Variants in ARHGAP24 observed in about 807,000 individuals in gnomAD.
The protein encoded by ARHGAP24 is Rho GTPase activating protein 24, also known as rho GTPase-activating protein 24.
In ARHGAP24, 50 loss-of-function variants were observed where a neutral mutation model predicts 76.4. The observed-to-expected ratio is 0.65, with a 90% CI of 0.52 to 0.83. The LOEUF (loss-of-function observed/expected upper bound fraction) is 0.83, where lower values mean the gene tolerates loss of function less well. Ranked by LOEUF, ARHGAP24 falls within the 40% of genes least tolerant of loss-of-function variation. ARHGAP24 has a pLI of 0.00. For synonymous variants in ARHGAP24, 345 were observed against 323.3 expected, an observed-to-expected ratio of 1.07 and a Z score of -0.72; for missense variants, 930 against 914.2, an observed-to-expected ratio of 1.02 and a Z score of -0.22.
intron 2 of ARHGAP24, among the ~76,000 whole-genome samples, chr4:85,717,517 A>G (rs1417896355): frequency 1.3e-5 from 2 of 152,108 alleles, no homozygotes; most frequent in South Asian, 2.1e-4. Flanking sequence ...AATTTCTACA[A>G]CACATTCTCA....
chr4:85,821,272 T>G (rs963435774), intron 3 of ARHGAP24, among the ~76,000 whole-genome samples: 2 of 152,198 alleles, frequency 1.3e-5, no homozygotes, highest in African/African-American at 4.8e-5. Context: ...TCATAGTAAA[T>G]TCCTAAATTT....
chr4:85,937,340 G>T (rs368838253), intron 4 of ARHGAP24, among the ~76,000 whole-genome samples: 8 of 152,246 alleles, frequency 5.3e-5, no homozygotes, highest in African/African-American at 1.9e-4. Flanking sequence ...AAAAGACACA[G>T]AACAGGTTTT....
intron 3 of ARHGAP24, among the ~76,000 whole-genome samples, chr4:85,878,504 C>T (rs2148765739): frequency 6.6e-6 from 1 of 151,938 alleles, no homozygotes; most frequent in African/African-American, 2.4e-5. Flanking sequence ...CGTTAAGACC[C>T]CTGTTGATAA....
At chr4:85,655,812 GAGAGAA>G (rs568741133) in intron 2 of ARHGAP24, among the ~76,000 whole-genome samples, 811 of 65,468 alleles carry the variant, frequency 0.012, 31 homozygotes, top group East Asian at 0.075. Context: ...GAGAGAGAGA[GAGAGAA>G]AGAGAGAGAG....
chr4:85,626,223 C>A (rs1220397735), intron 2 of ARHGAP24, among the ~76,000 whole-genome samples: 1 of 152,008 alleles, frequency 6.6e-6, no homozygotes, highest in Admixed American at 6.6e-5. Context: ...TTTTCCTTTC[C>A]ATGTTTAGTG....
intron 3 of ARHGAP24, among the ~76,000 whole-genome samples, chr4:85,822,338 T>C (rs1242303030): frequency 2.0e-5 from 3 of 152,112 alleles, no homozygotes; most frequent in Non-Finnish European, 4.4e-5. Context: ...TGACTTGGCT[T>C]AAGACTTTTG....
intron 2 of ARHGAP24, among the ~76,000 whole-genome samples, chr4:85,702,417 G>C (rs954174527): frequency 6.6e-6 from 1 of 152,112 alleles, no homozygotes; most frequent in Non-Finnish European, 1.5e-5. Flanking sequence ...TTTATTAGCA[G>C]CATAGCAAAC....
intron 2 of ARHGAP24, among the ~76,000 whole-genome samples, chr4:85,693,003 T>C (rs972817550): frequency 9.2e-5 from 14 of 152,218 alleles, no homozygotes; most frequent in Non-Finnish European, 2.9e-5. Flanking sequence ...TGGCCAACCC[T>C]CTGCACAGGG....
intron 3 of ARHGAP24, among the ~76,000 whole-genome samples, chr4:85,724,934 A>G (rs1466045855): frequency 1.3e-5 from 2 of 152,206 alleles, no homozygotes; most frequent in East Asian, 1.9e-4. Flanking sequence ...GTGAACTATT[A>G]TGGCCAAAGT....
intron 1 of ARHGAP24, among the ~76,000 whole-genome samples, chr4:85,516,724 T>G (rs1724521593): frequency 6.6e-6 from 1 of 151,752 alleles, no homozygotes; most frequent in Non-Finnish European, 1.5e-5. Flanking sequence ...GTTGCAGATG[T>G]TTTCTTCATT....
chr4:85,688,719 T>G (rs976549960), intron 2 of ARHGAP24, among the ~76,000 whole-genome samples: 2 of 152,146 alleles, frequency 1.3e-5, no homozygotes, highest in African/African-American at 4.8e-5. Flanking sequence ...GATCTTACAT[T>G]TAAATCTTTA....
At chr4:85,956,818 G>A (rs1371180662) in intron 5 of ARHGAP24, among the ~76,000 whole-genome samples, 4 of 152,180 alleles carry the variant, frequency 2.6e-5, no homozygotes, top group African/African-American at 9.7e-5. Context: ...TGGATGGCGA[G>A]TGAAAACTCA....
intron 3 of ARHGAP24, among the ~76,000 whole-genome samples, chr4:85,805,734 C>T (rs1224216130): frequency 1.3e-5 from 2 of 152,098 alleles, no homozygotes; most frequent in Non-Finnish European, 2.9e-5. Flanking sequence ...CGTTGATGCC[C>T]CATTAGTGCT....
chr4:85,514,816 G>GAAA (rs1724423973), intron 1 of ARHGAP24, among the ~76,000 whole-genome samples: 3 of 29,794 alleles, frequency 1.0e-4, no homozygotes, highest in Non-Finnish European at 1.4e-4. Flanking sequence ...ACTCTAAATT[G>GAAA]TAAAAAAAAA....
At chr4:85,678,940 TGC>T (rs1723098591) in intron 2 of ARHGAP24, among the ~76,000 whole-genome samples, 2 of 152,182 alleles carry the variant, frequency 1.3e-5, no homozygotes, top group Admixed American at 6.5e-5. Flanking sequence ...TCTGAAGGTT[TGC>T]TAAAAGAAAT....
At chr4:85,753,385 A>G (rs1313691864) in intron 3 of ARHGAP24, among the ~76,000 whole-genome samples, 1 of 152,222 alleles carries the variant, frequency 6.6e-6, no homozygotes, top group African/African-American at 2.4e-5. Context: ...ATATATTTAT[A>G]ATTTTCAGAC....
chr4:85,804,449 A>G (rs907573971), intron 3 of ARHGAP24, among the ~76,000 whole-genome samples: 1 of 152,206 alleles, frequency 6.6e-6, no homozygotes, highest in Non-Finnish European at 1.5e-5. Flanking sequence ...ATTTTTATGA[A>G]TCATTAAAAT....
chr4:85,599,825 C>A (rs1719975306), intron 2 of ARHGAP24, among the ~76,000 whole-genome samples: 1 of 151,962 alleles, frequency 6.6e-6, no homozygotes, highest in East Asian at 1.9e-4. Context: ...TTGTGGCCTG[C>A]AAAAGTAACT....
intron 3 of ARHGAP24, among the ~76,000 whole-genome samples, chr4:85,734,264 T>C (rs1725521409): frequency 6.6e-6 from 1 of 152,224 alleles, no homozygotes; most frequent in Admixed American, 6.5e-5. Context: ...CTCTCTTCAA[T>C]TTTACTCTTA....
Sources: gnomAD v4.1 joint callset for allele counts (sites outside exome capture counted in the v4.1 genomes callset) on GRCh38, gnomAD v4.1.1 for gene constraint, MANE v1.5 for transcripts, NCBI Gene and HGNC (gene_info 2026-07-23, HGNC 2026-07-21) for gene names.